The following MAPK10 variants were observed in gnomAD, a reference collection of about 807,000 sequenced individuals.
MAPK10 encodes JNK3 alpha protein kinase.
In MAPK10, 25 loss-of-function variants were observed where a neutral mutation model predicts 59.3. That is an observed-to-expected ratio of 0.42 (90% confidence interval 0.31 to 0.59). The LOEUF (loss-of-function observed/expected upper bound fraction) is 0.59, where lower values mean the gene tolerates loss of function less well. Among genes scored for constraint, MAPK10 ranks in the 20% least tolerant of loss-of-function variants. The pLI is 0.15. For synonymous variants in MAPK10, 190 were observed against 200.5 expected, an observed-to-expected ratio of 0.95 and a Z score of 0.44; for missense variants, 351 against 568.9, an observed-to-expected ratio of 0.62 and a Z score of 3.90.
chr4:86,367,916 G>T (rs1738181383), intron 1 of MAPK10, among the ~76,000 whole-genome samples: 1 of 152,084 alleles, frequency 6.6e-6, no homozygotes, highest in Non-Finnish European at 1.5e-5. Context: ...CCATGTGACA[G>T]GGTGTTTTCT....
chr4:86,305,132 T>G (rs988078316), intron 2 of MAPK10, among the ~76,000 whole-genome samples: 2 of 152,240 alleles, frequency 1.3e-5, no homozygotes, highest in African/African-American at 4.8e-5. Flanking sequence ...TGAAGGACAT[T>G]AACATTTATT....
At chr4:86,562,791 C>T (rs1023379820) in intron 1 of MAPK10, among the ~76,000 whole-genome samples, 1 of 152,206 alleles carries the variant, frequency 6.6e-6, no homozygotes, top group African/African-American at 2.4e-5. Flanking sequence ...CTAATATACA[C>T]TACACACTTT....
At chr4:86,331,870 G>T (rs1373101688) in intron 2 of MAPK10, among the ~76,000 whole-genome samples, 1 of 151,958 alleles carries the variant, frequency 6.6e-6, no homozygotes, top group Admixed American at 6.6e-5. Flanking sequence ...TTATCTACAA[G>T]GCCTGTTTAG....
At chr4:86,461,100 G>C (rs1270942876) in intron 1 of MAPK10, among the ~76,000 whole-genome samples, 3 of 150,500 alleles carry the variant, frequency 2.0e-5, no homozygotes, top group Non-Finnish European at 1.5e-5. Context: ...GGAGAACGTG[G>C]AACTAAGCTG....
At chr4:86,079,917 G>A (rs2050280325) in intron 9 of MAPK10, 1 of 152,052 alleles carries the variant, frequency 6.6e-6, no homozygotes, top group Non-Finnish European at 1.5e-5. Context: ...AGTAATCCCT[G>A]CCCCCATGCT....
chr4:86,043,611 A>G (rs142841578), intron 11 of MAPK10, among the ~76,000 whole-genome samples: 6 of 152,306 alleles, frequency 3.9e-5, no homozygotes, highest in Non-Finnish European at 7.4e-5. Context: ...AGAGACTAGA[A>G]CATGTTTATT....
intron 1 of MAPK10, among the ~76,000 whole-genome samples, chr4:86,553,725 G>A (rs997770940): frequency 6.6e-6 from 1 of 152,110 alleles, no homozygotes; most frequent in Non-Finnish European, 1.5e-5. Flanking sequence ...GTGAGGAGGG[G>A]AAGTGCCTAC....
At chr4:86,077,833 C>T (rs1360605576) in intron 9 of MAPK10, among the ~76,000 whole-genome samples, 5 of 152,118 alleles carry the variant, frequency 3.3e-5, no homozygotes, top group Non-Finnish European at 2.9e-5. Context: ...TTATCATGCA[C>T]GCCAAACAGC....
At chr4:86,576,096 ATCT>A (rs1005901642) in intron 1 of MAPK10, among the ~76,000 whole-genome samples, 2 of 151,702 alleles carry the variant, frequency 1.3e-5, no homozygotes, top group African/African-American at 2.4e-5. Context: ...GGCTTAAGTG[ATCT>A]TCTCACCTCA....
At chr4:86,410,847 C>T (rs748080305) in intron 1 of MAPK10, among the ~76,000 whole-genome samples, 2 of 151,998 alleles carry the variant, frequency 1.3e-5, no homozygotes, top group Non-Finnish European at 2.9e-5. Context: ...TTTCAAAATC[C>T]AGCTCCTGGA....
At chr4:86,363,462 C>T (rs982319680), upstream of MAPK10, among the ~76,000 whole-genome samples, 22 of 152,016 alleles carry the variant, frequency 1.4e-4, no homozygotes, top group Non-Finnish European at 7.4e-5. Flanking sequence ...CATTTTCATC[C>T]GTTAGGTGTT....
chr4:86,441,500 A>T (rs1022435887), intron 1 of MAPK10, among the ~76,000 whole-genome samples: 1 of 152,228 alleles, frequency 6.6e-6, no homozygotes, highest in Non-Finnish European at 1.5e-5. Flanking sequence ...ATGCTATTTC[A>T]CAATAGAAAT....
Position 86,304,479 on chromosome 4 carries a change from A to G in MAPK10, c.-7+50051T>C, listed in dbSNP as rs558294664. Among the ~76,000 whole-genome samples, 11 of 134,822 alleles carry G rather than the reference A, an allele frequency of 8.2e-5. No homozygotes were observed. In the South Asian group the frequency reaches 1.6e-3, roughly 20 times the overall value. The allele number at this position is 134,822 out of a possible 152,430, so 88.4% of individuals were successfully genotyped here. A position where few individuals can be genotyped will look rare whatever the true frequency, so the allele number is the denominator to read the frequency against. On this transcript the variant is annotated intron_variant, in intron 2 of 13. Coordinates refer to ENST00000641462, the MANE Select transcript of MAPK10 (RefSeq NM_138982.4). Reference sequence around the variant, plus strand: ...GCAATCTCGGCTCACTGCAAGCTCCACCTCCCAGGTTCACGCCATTCTCCT... The same window carrying G: ...GCAATCTCGGCTCACTGCAAGCTCCGCCTCCCAGGTTCACGCCATTCTCCT...
At chr4:86,295,847 C>A (rs1584249396) in intron 2 of MAPK10, among the ~76,000 whole-genome samples, 1 of 147,874 alleles carries the variant, frequency 6.8e-6, no homozygotes, top group Non-Finnish European at 1.5e-5. Context: ...TTTTCCCTAC[C>A]CTGCTCAAAG....
At chr4:86,348,259 A>G (rs943983096) in intron 2 of MAPK10, among the ~76,000 whole-genome samples, 1 of 152,160 alleles carries the variant, frequency 6.6e-6, no homozygotes, top group Non-Finnish European at 1.5e-5. Flanking sequence ...CAGAGTCAGA[A>G]TCATGCACCA....
intron 4 of MAPK10, among the ~76,000 whole-genome samples, chr4:86,157,164 T>G (rs910036489): frequency 6.6e-6 from 1 of 151,988 alleles, no homozygotes; most frequent in Middle Eastern, 3.4e-3. Context: ...CAGTCCAAAG[T>G]GGGGGAAAAG....
chr4:86,401,862 G>A (rs925254110), intron 1 of MAPK10, among the ~76,000 whole-genome samples: 3 of 152,146 alleles, frequency 2.0e-5, no homozygotes, highest in Non-Finnish European at 4.4e-5. Context: ...CAGTGGTGCT[G>A]AAGGTCCATA....
chr4:86,245,239 T>G (rs1420271461), intron 2 of MAPK10, among the ~76,000 whole-genome samples: 7 of 152,154 alleles, frequency 4.6e-5, no homozygotes, highest in Non-Finnish European at 8.8e-5. Flanking sequence ...TTGAAAACAT[T>G]CATTTGCTGA....
At chr4:86,153,346 GA>G (rs1403693683) in intron 4 of MAPK10, among the ~76,000 whole-genome samples, 1 of 152,106 alleles carries the variant, frequency 6.6e-6, no homozygotes, top group Non-Finnish European at 1.5e-5. Context: ...AATCTGCCAA[GA>G]AAAGTGCTCC....
Sources: allele counts gnomAD v4.1 joint callset (sites outside exome capture counted in the v4.1 genomes callset), GRCh38; gene constraint gnomAD v4.1.1; transcripts MANE v1.5; gene names NCBI Gene and HGNC (gene_info 2026-07-23, HGNC 2026-07-21).